HACL1: variants seen among roughly 807,000 people sequenced by gnomAD.
HACL1 encodes the protein 1600020H07Rik.
A neutral mutation model predicts 74.2 loss-of-function variants in HACL1; 64 were observed. The observed-to-expected ratio is 0.86, with a 90% CI of 0.70 to 1.06. The LOEUF (loss-of-function observed/expected upper bound fraction) is 1.06. HACL1 is among the 50% of genes least tolerant of loss of function. The pLI is 0.00. For missense variants in HACL1, 728 were observed against 719.7 expected (o/e 1.01, Z -0.13); for synonymous variants, 230 against 238.8 (o/e 0.96, Z 0.34).
intron 3 of HACL1, among the ~76,000 whole-genome samples, chr3:15,591,900 C>CACTATATATGTATATAGTGTATAT (rs1217698125): frequency 2.7e-5 from 4 of 149,684 alleles, no homozygotes; most frequent in African/African-American, 7.4e-5. Flanking sequence ...ATAGTGTATA[C>CACTATATATGTATATAGTGTATAT]ACTATATATG....
rs184506211 is a variant in HACL1 at position 15,561,294 on chromosome 3, T to C, written c.1705-397A>G. On this transcript the variant is annotated intron_variant, in intron 16 of 16. Transcript: ENST00000321169. The stretch of plus-strand genomic sequence containing the variant: ...CAGAACTAACACCATCCTATACATA[T>C]GGCCTGGACACAGGCACAGATATAG... Among the ~76,000 whole-genome samples, 110 of 152,300 alleles carry C rather than the reference T, an allele frequency of 7.2e-4. 3 individuals are homozygous for C. In the East Asian group the frequency reaches 0.015, roughly 20 times the overall value.
intron 2 of HACL1, among the ~76,000 whole-genome samples, chr3:15,596,704 T>C (rs2064072706): frequency 1.3e-5 from 2 of 152,212 alleles, no homozygotes; most frequent in African/African-American, 2.4e-5. Flanking sequence ...TTATTAACAA[T>C]ATTGGTAATT....
At chr3:15,565,025 C>T (rs1427838669) in intron 14 of HACL1, among the ~76,000 whole-genome samples, 1 of 152,048 alleles carries the variant, frequency 6.6e-6, no homozygotes, top group Non-Finnish European at 1.5e-5. Context: ...ATTAGCTGTG[C>T]ATGGTGGCAT....
intron 3 of HACL1, among the ~76,000 whole-genome samples, chr3:15,593,144 T>TAC (rs1167849009): frequency 4.0e-5 from 6 of 148,348 alleles, no homozygotes; most frequent in Admixed American, 6.7e-5. Flanking sequence ...TATGTATATA[T>TAC]ACACACATAC....
chr3:15,596,861 T>C lies in HACL1; in HGVS notation c.187-437A>G, dbSNP rs1428436513. 6.6e-5 allele frequency among the ~76,000 whole-genome samples: 10 copies of C among 152,310 alleles called. No homozygotes were observed. In the South Asian group the frequency reaches 1.0e-3, roughly 16 times the overall value. ...TTTCTATTTCATTGATTTCTGTTCT[T>C]GTATTTATTATTTCAGTCATTTTGA... On this transcript the variant is annotated intron_variant, in intron 2 of 16. Transcript: ENST00000321169.
chr3:15,586,651 C>T (rs760880155), intron 5 of HACL1, 49 bp from the exon 6 acceptor site: 3 of 1,038,012 alleles, frequency 2.9e-6, no homozygotes, highest in African/African-American at 3.2e-5. Flanking sequence ...AATCATGTTA[C>T]TCTCCTGAAA....
rs752349031 is a variant in HACL1 at position 15,586,580 on chromosome 3, G to A, written c.404C>T (p.Thr135Ile). The part of the protein sequence containing the change: ...FPQVEACRLY[T>I]KFSARPSSIE... ...GCTGCTTGGGCGGGCAGAGAACTTGGTATATAATCTACAAGCTTCAACCTA... is the reference window on the plus strand; with the variant it reads ...GCTGCTTGGGCGGGCAGAGAACTTGATATATAATCTACAAGCTTCAACCTA... The change falls in exon 6 of 17, where the codon ACC (threonine) becomes ATC (isoleucine). Residue 135 changes from threonine to isoleucine, a missense_variant. By Grantham distance (89) the Thr-to-Ile change is moderately conservative (BLOSUM62 -1). Coordinates refer to ENST00000321169, the MANE Select transcript of HACL1 (RefSeq NM_012260.4). The A allele has an allele frequency of 2.5e-6, 4 of 1,594,604 alleles. No individual in the cohort carries two copies. The highest frequency in any genetic ancestry group is 1.7e-5 in the Admixed American group (1 of 59,606).
intron 16 of HACL1, among the ~76,000 whole-genome samples, 178 bp downstream of exon 16, chr3:15,563,180 G>A (rs112991468): frequency 1.3e-5 from 2 of 152,132 alleles, no homozygotes; most frequent in African/African-American, 2.4e-5. Flanking sequence ...CATGCTATTC[G>A]TAGCACCTAA....
At chr3:15,584,827 T>C (rs1170215363) in intron 7 of HACL1, among the ~76,000 whole-genome samples, 3 of 152,222 alleles carry the variant, frequency 2.0e-5, no homozygotes, top group African/African-American at 4.8e-5. Flanking sequence ...TGAGAAATCA[T>C]AGAAACCTCT....
At chr3:15,575,419 C>G (rs2063607548) in intron 9 of HACL1, among the ~76,000 whole-genome samples, 1 of 152,072 alleles carries the variant, frequency 6.6e-6, no homozygotes, top group Non-Finnish European at 1.5e-5. Flanking sequence ...CAAAATCACC[C>G]CATAATACTT....
At chr3:15,583,342 G>C (rs2063743080) in intron 7 of HACL1, among the ~76,000 whole-genome samples, 2 of 152,238 alleles carry the variant, frequency 1.3e-5, no homozygotes, top group South Asian at 4.1e-4. Context: ...CCAGTGAAAT[G>C]GCCAATTCAT....
In HACL1 at chr3:15,563,974, GA is replaced by G. The variant is rs201672910; in HGVS notation, c.1518-431del. Among the ~76,000 whole-genome samples the G allele has an allele frequency of 3.7e-3, 560 of 150,874 alleles. 3 individuals carry two copies. Among genetic ancestry groups the G allele is most frequent in the African/African-American group, 0.012 (501 of 41,148 alleles). On this transcript the variant is annotated intron_variant, in intron 15 of 16. Coordinates refer to ENST00000321169, the MANE Select transcript of HACL1 (RefSeq NM_012260.4). ...TATTATGAATCCAGAAGAAAAACATGAAAAAAAAAGATTACTGCAAAACAAC... is the reference window on the plus strand; with the variant it reads ...TATTATGAATCCAGAAGAAAAACATGAAAAAAAAGATTACTGCAAAACAAC...
chr3:15,592,501 CTT>C (rs2063952123), intron 3 of HACL1, among the ~76,000 whole-genome samples: 2 of 144,822 alleles, frequency 1.4e-5, no homozygotes, highest in Non-Finnish European at 3.0e-5. Flanking sequence ...TACATATACA[CTT>C]GTATATACAC....
chr3:15,567,802 A>G (rs1388416656), intron 14 of HACL1, 42 bp downstream of exon 14: 10 of 1,572,656 alleles, frequency 6.4e-6, no homozygotes, highest in Non-Finnish European at 8.7e-6. Context: ...CATTTTTCAT[A>G]TTCTAGAGAA....
At chr3:15,598,418 G>A (rs571495978) in intron 2 of HACL1, among the ~76,000 whole-genome samples, 78 of 152,232 alleles carry the variant, frequency 5.1e-4, no homozygotes, top group African/African-American at 1.5e-3. Context: ...GTGGACTCTC[G>A]AGCCAATCTG....
chr3:15,579,270 T>A (rs913782368), intron 9 of HACL1, among the ~76,000 whole-genome samples: 5 of 152,134 alleles, frequency 3.3e-5, no homozygotes, highest in Non-Finnish European at 5.9e-5. Context: ...AAAGAAAAGA[T>A]AATGAATAGA....
At chr3:15,591,758 A>C in intron 3 of HACL1, 78 bp from the exon 4 acceptor site, 2 of 844,800 alleles carry the variant, frequency 2.4e-6, no homozygotes. Context: ...GAAACATGGC[A>C]ATCTTGGACT....
rs1210367121 is a variant in HACL1 at position 15,568,516 on chromosome 3, G to T, written c.1166C>A (p.Pro389His). Residue 389 changes from proline (P) to histidine (H), a missense_variant, in exon 13 of 17, where the codon CCT becomes CAT. Transcript: ENST00000321169. Reference protein sequence around the residue: ...TVFYHVQEQLPRDCFVVSEGA... With the variant: ...TVFYHVQEQLHRDCFVVSEGA... ...TTCACTTACCACGAAACAGTCTCTA[G>T]GTAGTTGTTCTTGAACATGGTAGAA... 1.3e-6 allele frequency: 2 copies of T among 1,592,526 alleles called. No homozygotes were observed. The highest frequency in any genetic ancestry group is 1.3e-5 in the African/African-American group (1 of 74,668).
intron 2 of HACL1, among the ~76,000 whole-genome samples, chr3:15,598,660 G>C (rs928187545): frequency 3.3e-5 from 5 of 152,180 alleles, no homozygotes; most frequent in Admixed American, 2.6e-4. Flanking sequence ...AGTATGTCTT[G>C]ATTACTCTAT....
Sources: allele counts gnomAD v4.1 joint callset (sites outside exome capture counted in the v4.1 genomes callset), GRCh38; gene constraint gnomAD v4.1.1; transcripts MANE v1.5; gene names NCBI Gene and HGNC (gene_info 2026-07-23, HGNC 2026-07-21).